MYO18B: variants seen among roughly 807,000 people sequenced by gnomAD.
MYO18B encodes unconventional myosin-XVIIIb.
In MYO18B, 204 loss-of-function variants were observed where a neutral mutation model predicts 273.0. The observed-to-expected ratio is 0.75, with a 90% CI of 0.67 to 0.84. MYO18B has a LOEUF of 0.84. Ranked by LOEUF, MYO18B falls within the 40% of genes least tolerant of loss-of-function variation. MYO18B has a pLI of 0.00. For synonymous variants in MYO18B, 1,330 were observed against 1,305.7 expected (o/e 1.02, Z -0.40); for missense variants, 3,212 against 3,287.6 (o/e 0.98, Z 0.56).
At chr22:25,749,070 C>T (rs1012078722) in intron 1 of MYO18B, among the ~76,000 whole-genome samples, 1 of 152,184 alleles carries the variant, frequency 6.6e-6, no homozygotes, top group African/African-American at 2.4e-5. Flanking sequence ...TCCACTCAGC[C>T]CAGATAAAAG....
chr22:25,852,624 G>C (rs1483242133), intron 21 of MYO18B, among the ~76,000 whole-genome samples: 1 of 152,186 alleles, frequency 6.6e-6, no homozygotes, highest in East Asian at 1.9e-4. Context: ...CCCTGCAAAA[G>C]AAGAGCTATT....
rs1159522288 is a variant in MYO18B, at chr22:25,840,541, CAG to C, written c.3209-3193_3209-3192del. 2.0e-5 allele frequency among the ~76,000 whole-genome samples: 3 copies of C among 152,254 alleles called. No individual in the cohort carries two copies. The East Asian group carries it at 5.8e-4, about 29-fold the overall frequency. ...TTGGGGAAGGCCAGCTGCATGGTGACAGGGGCGAGGCTGGTCACCTCTGTGGG... is the reference window on the plus strand; with the variant it reads ...TTGGGGAAGGCCAGCTGCATGGTGACGGGCGAGGCTGGTCACCTCTGTGGG... On this transcript the variant is annotated intron_variant, in intron 17 of 43. Coordinates refer to ENST00000335473, the MANE Select transcript of MYO18B (RefSeq NM_032608.7).
intron 13 of MYO18B, among the ~76,000 whole-genome samples, chr22:25,824,634 G>T (rs967938464): frequency 2.0e-5 from 3 of 152,090 alleles, no homozygotes; most frequent in African/African-American, 7.2e-5. Context: ...GAGCTCCTTT[G>T]CACCTTTGGA....
downstream of MYO18B, among the ~76,000 whole-genome samples, chr22:26,031,759 G>A (rs1221101742): frequency 2.0e-5 from 3 of 152,166 alleles, no homozygotes; most frequent in South Asian, 2.1e-4. Context: ...GGGGCAGGAG[G>A]GAAATTCACT....
chr22:26,036,435 G>T, the MYO18B span, among the ~76,000 whole-genome samples: 1 of 152,112 alleles, frequency 6.6e-6, no homozygotes, highest in East Asian at 1.9e-4. Flanking sequence ...CAGTGGTTGG[G>T]ATCCACTGTC....
At chr22:25,906,709 A>G (rs1379727346) in intron 31 of MYO18B, among the ~76,000 whole-genome samples, 1 of 152,144 alleles carries the variant, frequency 6.6e-6, no homozygotes, top group Non-Finnish European at 1.5e-5. Flanking sequence ...ACAGTTCCAC[A>G]TGGCTGGGGA....
chr22:25,928,087 G>A (rs1282683708), intron 34 of MYO18B, among the ~76,000 whole-genome samples: 1 of 152,082 alleles, frequency 6.6e-6, no homozygotes, highest in Non-Finnish European at 1.5e-5. Flanking sequence ...AGTTCGGCAT[G>A]GTATTGCTGG....
chr22:25,969,956 A>G (rs1000959777), intron 39 of MYO18B, among the ~76,000 whole-genome samples: 2 of 152,114 alleles, frequency 1.3e-5, no homozygotes, highest in African/African-American at 2.4e-5. Flanking sequence ...CATTATCATC[A>G]TCATTGCCAT....
At chr22:25,873,698 C>T (rs1319937035) in intron 22 of MYO18B, among the ~76,000 whole-genome samples, 1 of 152,192 alleles carries the variant, frequency 6.6e-6, no homozygotes, top group Non-Finnish European at 1.5e-5. Context: ...CCTCAGCCTC[C>T]CAAAGTGCTG....
In MYO18B at chr22:25,928,822, C is replaced by T. The variant is rs577474666; in HGVS notation, c.5517+7413C>T. On this transcript the variant is annotated intron_variant, in intron 34 of 43. Coordinates refer to ENST00000335473, the MANE Select transcript of MYO18B (RefSeq NM_032608.7). ...GCTGATTGGGCTGATATAAAGAACA[C>T]TGGACCATGGATTTGAAAGGAGTCA... Among the ~76,000 whole-genome samples the T allele has an allele frequency of 2.6e-5, 4 of 152,214 alleles. 1 individual carries two copies. The South Asian group carries it at 8.3e-4, about 32-fold the overall frequency.
chr22:26,046,207 C>A, the MYO18B span, among the ~76,000 whole-genome samples: 1 of 151,998 alleles, frequency 6.6e-6, no homozygotes, highest in East Asian at 1.9e-4. Flanking sequence ...CAGCAACTGT[C>A]AAAAAAACCT....
At chr22:26,047,271 C>A in the MYO18B span, among the ~76,000 whole-genome samples, 1 of 151,968 alleles carries the variant, frequency 6.6e-6, no homozygotes, top group African/African-American at 2.4e-5. Flanking sequence ...GGACTACAGG[C>A]ACCCGCCACC....
intron 11 of MYO18B, among the ~76,000 whole-genome samples, chr22:25,791,397 T>G (rs1257208298): frequency 6.6e-6 from 1 of 152,196 alleles, no homozygotes; most frequent in Non-Finnish European, 1.5e-5. Flanking sequence ...ATCCCCAGTG[T>G]GGCGCTGGCC....
chr22:26,006,756 G>A (rs967974133), intron 42 of MYO18B, among the ~76,000 whole-genome samples: 1 of 152,238 alleles, frequency 6.6e-6, no homozygotes, highest in Admixed American at 6.5e-5. Context: ...TTGTTGTCAG[G>A]GGTAATGTGG....
chr22:25,984,514 G>A (rs1241993724), intron 39 of MYO18B, among the ~76,000 whole-genome samples: 1 of 152,200 alleles, frequency 6.6e-6, no homozygotes, highest in African/African-American at 2.4e-5. Flanking sequence ...CAGAGGCTGG[G>A]TACGGTGGCT....
chr22:25,839,373 G>T (rs2090016226), intron 17 of MYO18B, among the ~76,000 whole-genome samples: 2 of 152,336 alleles, frequency 1.3e-5, no homozygotes, highest in South Asian at 4.1e-4. Flanking sequence ...TGCTCACCCT[G>T]CAGGAGTCCT....
At chr22:26,003,155 G>T (rs778959267) in intron 40 of MYO18B, 110 bp from the exon 41 acceptor site, 20 of 975,332 alleles carry the variant, frequency 2.1e-5, no homozygotes, top group Non-Finnish European at 3.0e-5. Context: ...TCACACAGGG[G>T]CAAAGGTTGG....
At position 26,027,444 on chromosome 22, in the gene MYO18B, C is replaced by A; in HGVS notation, c.7470C>A (p.Thr2490=). 6.2e-7 allele frequency: 1 copy of A among 1,613,966 alleles called. No individual in the cohort carries two copies. The highest frequency in any genetic ancestry group is 2.2e-5 in the East Asian group (1 of 44,880). ...GTTCCTTTCTCTCGGGGATCAAGAC[C>A]ATTTTGAAGAAGAGCCCGGAGCCCA... ...ANRSFLSGIK[T]ILKKSPEPKE... is the part of the protein sequence containing the mutation. Residue 2490 remains threonine (T), a synonymous_variant, in exon 43 of 44, where the codon ACC becomes ACA. Transcript: ENST00000335473. The surrounding 1 kb of genome is among the most constrained non-coding windows in gnomAD (Gnocchi z 4.1).
chr22:25,889,851 TA>T (rs2091609988), intron 25 of MYO18B, among the ~76,000 whole-genome samples: 1 of 152,250 alleles, frequency 6.6e-6, no homozygotes, highest in Non-Finnish European at 1.5e-5. Flanking sequence ...ATTACATGTG[TA>T]ATTTAAATCA....
Sources: allele counts gnomAD v4.1 joint callset (sites outside exome capture counted in the v4.1 genomes callset), GRCh38; gene constraint gnomAD v4.1.1; non-coding constraint Gnocchi (gnomAD v3.1); transcripts MANE v1.5; gene names NCBI Gene and HGNC (gene_info 2026-07-23, HGNC 2026-07-21).